Variants in SYT16 observed in about 807,000 individuals in gnomAD.
The protein encoded by SYT16 is synaptotagmin 16, also known as synaptotagmin-16.
Under a neutral mutation model 61.4 loss-of-function variants are expected in SYT16, and 42 were observed. The observed-to-expected ratio is 0.68, with a 90% CI of 0.53 to 0.89. SYT16 has a LOEUF of 0.89. SYT16 is among the 40% of genes least tolerant of loss of function. The pLI is 0.00. For synonymous variants in SYT16, 314 were observed against 302.3 expected, an observed-to-expected ratio of 1.04 and a Z score of -0.40; for missense variants, 804 against 807.3, an observed-to-expected ratio of 1.00 and a Z score of 0.05.
At chr14:62,034,947 T>G (rs1259823848) in intron 3 of SYT16, among the ~76,000 whole-genome samples, 1 of 152,064 alleles carries the variant, frequency 6.6e-6, no homozygotes, top group African/African-American at 2.4e-5. Context: ...ATGACAAAAG[T>G]TTTTCTGTCT....
intron 3 of SYT16, among the ~76,000 whole-genome samples, chr14:62,045,668 G>T (rs1187015010): frequency 6.6e-6 from 1 of 151,972 alleles, no homozygotes; most frequent in African/African-American, 2.4e-5. Context: ...TGTTCTCATT[G>T]TTCAATTCCC....
chr14:62,043,659 G>A (rs2140858399), intron 3 of SYT16, among the ~76,000 whole-genome samples: 1 of 152,082 alleles, frequency 6.6e-6, no homozygotes, highest in African/African-American at 2.4e-5. Context: ...CACCTGCCTT[G>A]GCCTCCCAAA....
In SYT16 at chr14:61,905,045, AT is replaced by A. The variant is rs974111195; in HGVS notation, c.-324-65084del. The stretch of plus-strand genomic sequence containing the variant: ...TTGGGGTCAGAATAGAATATCATGT[AT>A]TTACTTATATCCCACTTCGAAAACC... On this transcript the variant is annotated intron_variant, in intron 1 of 7. Coordinates refer to ENST00000683842, the MANE Select transcript of SYT16 (RefSeq NM_001367656.1). Among the ~76,000 whole-genome samples, 82 of 151,918 alleles carry A rather than the reference AT, an allele frequency of 5.4e-4. 1 individual carries two copies. The highest frequency in any genetic ancestry group is 1.6e-3 in the African/African-American group (64 of 41,218).
chr14:62,075,066 C>T (rs2056433385), intron 4 of SYT16, 69 bp from the exon 5 acceptor site: 3 of 1,493,804 alleles, frequency 2.0e-6, no homozygotes, highest in Non-Finnish European at 2.7e-6. Context: ...ACTGCAATTA[C>T]TCAATTTCTC....
chr14:61,965,359 A>G (rs1457140553), intron 1 of SYT16, among the ~76,000 whole-genome samples: 1 of 152,190 alleles, frequency 6.6e-6, no homozygotes, highest in African/African-American at 2.4e-5. Context: ...CTTCTCACTA[A>G]GTACTCATAA....
At chr14:61,940,623 G>C (rs762784548) in intron 1 of SYT16, among the ~76,000 whole-genome samples, 13 of 152,156 alleles carry the variant, frequency 8.5e-5, no homozygotes, top group Non-Finnish European at 1.5e-4. Flanking sequence ...AGATTTAAAT[G>C]AGCATAAAGT....
intron 1 of SYT16, among the ~76,000 whole-genome samples, chr14:61,933,648 T>G (rs547098432): frequency 3.1e-4 from 47 of 152,336 alleles, no homozygotes; most frequent in African/African-American, 1.1e-3. Context: ...ATGTGACCCC[T>G]TCCCAGCTAA....
intron 2 of SYT16, among the ~76,000 whole-genome samples, chr14:61,983,718 G>A (rs1375976223): frequency 6.6e-6 from 1 of 151,996 alleles, no homozygotes; most frequent in Non-Finnish European, 1.5e-5. Flanking sequence ...TAGAGATGGG[G>A]GGTCTCACTA....
At chr14:61,893,177 A>G (rs1425414574) in intron 1 of SYT16, among the ~76,000 whole-genome samples, 1 of 152,248 alleles carries the variant, frequency 6.6e-6, no homozygotes, top group Non-Finnish European at 1.5e-5. Context: ...TTATGTGCCC[A>G]GAAAGAAAGT....
chr14:61,940,187 C>T (rs2050152419), intron 1 of SYT16, among the ~76,000 whole-genome samples: 1 of 152,048 alleles, frequency 6.6e-6, no homozygotes, highest in Admixed American at 6.6e-5. Context: ...GGGGTTAGCA[C>T]ATATTTTTGA....
intron 3 of SYT16, among the ~76,000 whole-genome samples, chr14:62,062,003 C>G (rs1008104119): frequency 2.0e-5 from 3 of 152,098 alleles, no homozygotes; most frequent in Non-Finnish European, 4.4e-5. Context: ...TTGAATCACT[C>G]TGCCATTATC....
chr14:61,967,471 T>C (rs2140517789), intron 1 of SYT16, among the ~76,000 whole-genome samples: 1 of 152,262 alleles, frequency 6.6e-6, no homozygotes, highest in Non-Finnish European at 1.5e-5. Flanking sequence ...GGCAGGTTGG[T>C]TCTCTGGAGG....
chr14:61,962,970 A>G (rs1016512554), intron 1 of SYT16, among the ~76,000 whole-genome samples: 1 of 152,058 alleles, frequency 6.6e-6, no homozygotes, highest in African/African-American at 2.4e-5. Context: ...ATTTTGATGT[A>G]TTTGTCAAGC....
chr14:61,931,934 T>C (rs968552023), intron 1 of SYT16, among the ~76,000 whole-genome samples: 7 of 152,250 alleles, frequency 4.6e-5, no homozygotes, highest in African/African-American at 1.7e-4. Context: ...AAAACTGCCC[T>C]GAAGGAGAAT....
Position 61,820,469 on chromosome 14 carries a change from GTTTTTTTTTTTTTTTTTT to G in SYT16, c.-325+7672_-325+7689del, listed in dbSNP as rs71117856. 1.8e-3 allele frequency among the ~76,000 whole-genome samples: 112 copies of G among 61,110 alleles called. 1 individual carries two copies. In the East Asian group the frequency reaches 0.056, roughly 31 times the overall value. 40.1% of individuals were successfully genotyped at this position (61,110 alleles called of 152,430 possible). A position where few individuals can be genotyped will look rare whatever the true frequency, so the allele number is the denominator to read the frequency against. On this transcript the variant is annotated intron_variant, in intron 1 of 7. Transcript: ENST00000683842. ...ATATGCTTCAGGGCACCTCTTCAGAGTTTTTTTTTTTTTTTTTTTTTTTTTTTTTTGAGACGTAGTCTC... is the reference window on the plus strand; with the variant it reads ...ATATGCTTCAGGGCACCTCTTCAGAGTTTTTTTTTTTTGAGACGTAGTCTC...
At chr14:61,865,322 T>C in intron 1 of SYT16, 7 of 714,362 alleles carry the variant, frequency 9.8e-6, no homozygotes, top group Non-Finnish European at 5.0e-6. Flanking sequence ...GCGGAGAGCC[T>C]GAAGCTCTTA....
chr14:61,930,654 A>G (rs773136941), intron 1 of SYT16, among the ~76,000 whole-genome samples: 2 of 152,182 alleles, frequency 1.3e-5, no homozygotes, highest in East Asian at 1.9e-4. Context: ...TTACATGACA[A>G]TGGGTAATTA....
At chr14:61,871,627 T>G (rs896889120) in intron 1 of SYT16, among the ~76,000 whole-genome samples, 1 of 152,338 alleles carries the variant, frequency 6.6e-6, no homozygotes, top group South Asian at 2.1e-4. Flanking sequence ...TAAAAACCAT[T>G]ATTTTATATA....
At chr14:61,887,842 C>T (rs1324721212) in intron 1 of SYT16, among the ~76,000 whole-genome samples, 2 of 152,160 alleles carry the variant, frequency 1.3e-5, no homozygotes, top group Non-Finnish European at 2.9e-5. Context: ...CTAAAACATT[C>T]TTCATATCAG....
Sources: allele counts gnomAD v4.1 joint callset (sites outside exome capture counted in the v4.1 genomes callset), GRCh38; gene constraint gnomAD v4.1.1; transcripts MANE v1.5; gene names NCBI Gene and HGNC (gene_info 2026-07-23, HGNC 2026-07-21).